The following PPP2R2B variants were observed in gnomAD, a reference collection of about 807,000 sequenced individuals.
PPP2R2B encodes the protein serine/threonine-protein phosphatase 2A 55 kDa regulatory subunit B beta isoform.
PPP2R2B carries 5 observed loss-of-function variants against 46.0 expected under a neutral mutation model. The ratio of observed to expected loss-of-function variants is 0.11; its 90% CI spans 0.06 to 0.23. The LOEUF is 0.23. PPP2R2B is among the 10% of genes least tolerant of loss of function. The pLI, the probability that PPP2R2B is intolerant of heterozygous loss-of-function variation, is 1.00. For missense variants in PPP2R2B, 367 were observed against 575.0 expected, an observed-to-expected ratio of 0.64 and a Z score of 3.70; for synonymous variants, 215 against 206.7, an observed-to-expected ratio of 1.04 and a Z score of -0.34.
upstream of PPP2R2B, among the ~76,000 whole-genome samples, chr5:147,058,469 A>G (rs543970377): frequency 2.0e-5 from 3 of 152,318 alleles, no homozygotes; most frequent in South Asian, 4.1e-4. Flanking sequence ...GGCCATAGCT[A>G]TCCTCAAAGA....
At chr5:147,028,786 C>A (rs778141921) in intron 1 of PPP2R2B, among the ~76,000 whole-genome samples, 89 of 152,174 alleles carry the variant, frequency 5.8e-4, no homozygotes, top group Non-Finnish European at 1.1e-3. Context: ...AATTTATACT[C>A]GCACTGGTAG....
intron 2 of PPP2R2B, among the ~76,000 whole-genome samples, chr5:146,876,056 T>G (rs925770875): frequency 6.6e-6 from 1 of 152,196 alleles, no homozygotes; most frequent in Non-Finnish European, 1.5e-5. Context: ...TAGAAGCTTC[T>G]GTGAAATAAA....
chr5:146,995,787 G>C (rs1485805090), intron 1 of PPP2R2B, among the ~76,000 whole-genome samples: 1 of 152,166 alleles, frequency 6.6e-6, no homozygotes, highest in Non-Finnish European at 1.5e-5. Context: ...GGAATCATGA[G>C]CAAAACACAA....
chr5:146,722,229 A>G (rs140187617), intron 2 of PPP2R2B, among the ~76,000 whole-genome samples: 1 of 152,314 alleles, frequency 6.6e-6, no homozygotes, highest in Non-Finnish European at 1.5e-5. Context: ...TACAGCTTTT[A>G]CAACATTAGA....
intron 2 of PPP2R2B, among the ~76,000 whole-genome samples, chr5:146,856,063 CTCTTGACCCCAAGCTCTTTTTCTTTGTG>C (rs1318214642): frequency 3.9e-5 from 6 of 152,122 alleles, no homozygotes; most frequent in South Asian, 2.1e-4. Context: ...CTTTCTTTGC[CTCTTGACCCCAAGCTCTTTTTCTTTGTG>C]TCTTGACCCC....
chr5:146,982,592 T>G (rs573592595), intron 1 of PPP2R2B, among the ~76,000 whole-genome samples: 76 of 152,306 alleles, frequency 5.0e-4, no homozygotes, highest in Admixed American at 1.1e-3. Flanking sequence ...TCCTTGATGT[T>G]CTCTGTCTAG....
intron 8 of PPP2R2B, among the ~76,000 whole-genome samples, chr5:146,599,361 C>G (rs532978002): frequency 6.6e-6 from 1 of 152,326 alleles, no homozygotes; most frequent in South Asian, 2.1e-4. Context: ...CATCACCAGA[C>G]CAAATTGCCA....
At chr5:146,682,703 T>A (rs1365202700) in intron 5 of PPP2R2B, among the ~76,000 whole-genome samples, 1 of 152,178 alleles carries the variant, frequency 6.6e-6, no homozygotes, top group Admixed American at 6.5e-5. Flanking sequence ...AGTGTTACTA[T>A]TATAGCACAC....
At chr5:146,947,119 C>T (rs1764509205) in intron 1 of PPP2R2B, among the ~76,000 whole-genome samples, 1 of 152,102 alleles carries the variant, frequency 6.6e-6, no homozygotes, top group Admixed American at 6.6e-5. Flanking sequence ...GGAAAAATTC[C>T]ATAATATGAG....
At chr5:146,691,032 C>G in intron 5 of PPP2R2B, 96 bp downstream of exon 5, 1 of 1,010,962 alleles carries the variant, frequency 9.9e-7, no homozygotes, top group South Asian at 1.5e-5. Flanking sequence ...CCTCACTGGC[C>G]CATTATAGTT....
chr5:146,691,629 T>C (rs1561836534), intron 4 of PPP2R2B, among the ~76,000 whole-genome samples: 1 of 152,158 alleles, frequency 6.6e-6, no homozygotes, highest in Non-Finnish European at 1.5e-5. Context: ...AAGTAGGTGC[T>C]ATTATCTCTA....
intron 2 of PPP2R2B, among the ~76,000 whole-genome samples, chr5:146,830,842 A>C (rs1758881640): frequency 6.6e-6 from 1 of 152,184 alleles, no homozygotes; most frequent in African/African-American, 2.4e-5. Context: ...ATCATTTCAC[A>C]AAGCGATTGT....
intron 2 of PPP2R2B, among the ~76,000 whole-genome samples, chr5:147,066,330 A>G (rs1757413644): frequency 6.6e-6 from 1 of 152,224 alleles, no homozygotes; most frequent in Admixed American, 6.5e-5. Context: ...TCCATGCTGC[A>G]TTGTAAATTC....
intron 2 of PPP2R2B, among the ~76,000 whole-genome samples, chr5:147,074,952 T>C (rs995681684): frequency 2.8e-4 from 43 of 152,258 alleles, no homozygotes; most frequent in African/African-American, 9.6e-4. Context: ...ATGAATAAGA[T>C]GAAGTGACCT....
At chr5:146,999,767 A>G (rs1198829232) in intron 1 of PPP2R2B, among the ~76,000 whole-genome samples, 4 of 152,180 alleles carry the variant, frequency 2.6e-5, no homozygotes, top group Non-Finnish European at 5.9e-5. Flanking sequence ...TAGAATAGAA[A>G]GGGCCCCAAA....
chr5:146,608,472 AT>A (rs1170230134), intron 7 of PPP2R2B, among the ~76,000 whole-genome samples: 1 of 152,186 alleles, frequency 6.6e-6, no homozygotes, highest in Non-Finnish European at 1.5e-5. Flanking sequence ...TTGCCTGGTT[AT>A]AAAAATGAAA....
chr5:146,909,130 C>A (rs1763098812), intron 1 of PPP2R2B, among the ~76,000 whole-genome samples: 1 of 152,156 alleles, frequency 6.6e-6, no homozygotes, highest in Non-Finnish European at 1.5e-5. Flanking sequence ...GGGTGAGTGA[C>A]CTTGACTGTT....
chr5:147,066,653 T>G (rs1318380015), intron 2 of PPP2R2B, among the ~76,000 whole-genome samples: 1 of 152,208 alleles, frequency 6.6e-6, no homozygotes, highest in Non-Finnish European at 1.5e-5. Flanking sequence ...AACTTTTCAA[T>G]AAGTGTCAGG....
chr5:146,721,808 G>A (rs183957741), intron 2 of PPP2R2B, among the ~76,000 whole-genome samples: 1 of 152,340 alleles, frequency 6.6e-6, no homozygotes, highest in East Asian at 1.9e-4. Flanking sequence ...TACCTCTTAA[G>A]TAGCTCTTGC....
Sources: allele counts gnomAD v4.1 joint callset (sites outside exome capture counted in the v4.1 genomes callset), GRCh38; gene constraint gnomAD v4.1.1; transcripts MANE v1.5; gene names NCBI Gene and HGNC (gene_info 2026-07-23, HGNC 2026-07-21).